The following ADAM22 variants were observed in gnomAD, a reference collection of about 807,000 sequenced individuals.
ADAM22 encodes ADAM metallopeptidase domain 22, also known as disintegrin and metalloproteinase domain-containing protein 22.
In ADAM22, 65 loss-of-function variants were observed where a neutral mutation model predicts 144.6. That is an observed-to-expected ratio of 0.45 (90% CI 0.37 to 0.55). ADAM22 has a LOEUF of 0.55. ADAM22 is among the 20% of genes least tolerant of loss of function. The probability of loss-of-function intolerance (pLI) is 0.00; values close to 1 mark genes in which losing one functional copy is unlikely to be tolerated. For missense variants in ADAM22, 974 were observed against 1,184.9 expected (o/e 0.82, Z 2.61); for synonymous variants, 391 against 412.6 (o/e 0.95, Z 0.63).
chr7:88,202,333 C>CA lies in ADAM22; in HGVS notation c.*5842_*5843insA, dbSNP rs1851259206. The CA allele has an allele frequency of 6.6e-6, 1 of 152,056 alleles. No individual in the cohort carries two copies. Among genetic ancestry groups the CA allele is most frequent in the Non-Finnish European group, 1.5e-5 (1 of 68,038 alleles). The allele number at this position is 152,056 out of a possible 1,614,324, so 9.4% of individuals were successfully genotyped here. A position where few individuals can be genotyped will look rare whatever the true frequency, so the allele number is the denominator to read the frequency against. On this transcript the variant is annotated 3_prime_UTR_variant, in exon 32 of 32. Transcript: ENST00000413139. ...GACTTGCCCCTCCAAACTAGCACCC[C>CA]CAAAAGACAACTTCTTTCAGAAACG...
At chr7:88,030,971 C>T (rs1368897461) in intron 3 of ADAM22, among the ~76,000 whole-genome samples, 3 of 152,024 alleles carry the variant, frequency 2.0e-5, no homozygotes, top group Non-Finnish European at 4.4e-5. Flanking sequence ...AAAAAATTAG[C>T]CGGGCGTGGT....
At chr7:87,985,128 A>G (rs1788147444) in intron 3 of ADAM22, among the ~76,000 whole-genome samples, 1 of 151,454 alleles carries the variant, frequency 6.6e-6, no homozygotes, top group Admixed American at 6.6e-5. Flanking sequence ...CCTGGCTAAC[A>G]TGGTGAAACC....
At chr7:88,121,548 T>C (rs1829313523) in intron 7 of ADAM22, among the ~76,000 whole-genome samples, 1 of 152,202 alleles carries the variant, frequency 6.6e-6, no homozygotes, top group South Asian at 2.1e-4. Context: ...AACTGTCAGC[T>C]GGGACTACAG....
intron 30 of ADAM22, among the ~76,000 whole-genome samples, chr7:88,191,059 C>T (rs1386333297): frequency 6.6e-6 from 1 of 152,230 alleles, no homozygotes; most frequent in East Asian, 1.9e-4. Flanking sequence ...CTTTCCTGCT[C>T]AGCTTCTCTT....
chr7:88,028,688 T>C (rs1192923932), intron 3 of ADAM22, among the ~76,000 whole-genome samples: 1 of 151,992 alleles, frequency 6.6e-6, no homozygotes, highest in Non-Finnish European at 1.5e-5. Flanking sequence ...TATATATATA[T>C]ATACACATAT....
intron 3 of ADAM22, among the ~76,000 whole-genome samples, chr7:88,013,796 A>G (rs1795980337): frequency 6.6e-6 from 1 of 152,232 alleles, no homozygotes; most frequent in Non-Finnish European, 1.5e-5. Context: ...TCATACTCAT[A>G]GGAAAAGTGT....
intron 2 of ADAM22, among the ~76,000 whole-genome samples, chr7:87,976,597 A>G (rs555796987): frequency 9.4e-4 from 143 of 152,332 alleles, no homozygotes; most frequent in Non-Finnish European, 1.5e-3. Flanking sequence ...CTAGACGACT[A>G]TAGGTGGAAC....
intron 3 of ADAM22, among the ~76,000 whole-genome samples, chr7:88,024,618 G>A (rs1488074673): frequency 6.6e-6 from 1 of 151,816 alleles, no homozygotes; most frequent in Non-Finnish European, 1.5e-5. Context: ...TGTTACATAT[G>A]TATACATACG....
At position 87,966,721 on chromosome 7, in the gene ADAM22, G is replaced by GTTTTTTTTTTTTTTTTTT; in HGVS notation, c.247-11601_247-11584dup. Among the ~76,000 whole-genome samples, 18 of 39,888 alleles carry GTTTTTTTTTTTTTTTTTT rather than the reference G, an allele frequency of 4.5e-4. 3 individuals are homozygous for GTTTTTTTTTTTTTTTTTT. Among genetic ancestry groups the GTTTTTTTTTTTTTTTTTT allele is most frequent in the Non-Finnish European group, 6.4e-4 (16 of 25,026 alleles). 26.2% of individuals were successfully genotyped at this position (39,888 alleles called of 152,430 possible). A position where few individuals can be genotyped will look rare whatever the true frequency, so the allele number is the denominator to read the frequency against. On this transcript the variant is annotated intron_variant, in intron 2 of 31. Coordinates refer to ENST00000413139, the MANE Select transcript of ADAM22 (RefSeq NM_001324418.2). ...GAGTTCATCTTATCCAAGGAAAGCC[G>GTTTTTTTTTTTTTTTTTT]TTTTTTTTTTTTTTTTTTTTTTTTT... is the stretch of plus-strand genomic sequence containing the variant.
At chr7:87,945,180 CA>C (rs1487066149) in intron 2 of ADAM22, among the ~76,000 whole-genome samples, 1 of 152,112 alleles carries the variant, frequency 6.6e-6, no homozygotes, top group Non-Finnish European at 1.5e-5. Context: ...TCTAAAAAAT[CA>C]GTTTGTACAA....
chr7:87,985,177 G>T (rs955835086), intron 3 of ADAM22, among the ~76,000 whole-genome samples: 3 of 151,720 alleles, frequency 2.0e-5, no homozygotes, highest in African/African-American at 7.3e-5. Flanking sequence ...TCCAGGCATG[G>T]TGGCAGGCGC....
intron 3 of ADAM22, among the ~76,000 whole-genome samples, chr7:88,039,464 A>AATATATAT (rs1554420479): frequency 4.2e-4 from 32 of 76,342 alleles, no homozygotes; most frequent in African/African-American, 8.5e-4. Flanking sequence ...AAAAAAAAAA[A>AATATATAT]ATATATATAT....
chr7:88,115,296 G>C (rs1489392953), intron 6 of ADAM22, among the ~76,000 whole-genome samples: 2 of 152,108 alleles, frequency 1.3e-5, no homozygotes, highest in African/African-American at 4.8e-5. Context: ...TTCCCTTTGA[G>C]GTGTTCTGAA....
intron 2 of ADAM22, among the ~76,000 whole-genome samples, chr7:87,967,146 C>A (rs1849319848): frequency 6.6e-6 from 1 of 152,132 alleles, no homozygotes; most frequent in Admixed American, 6.5e-5. Flanking sequence ...GGCCTCCCCA[C>A]CCCTGTGAAC....
At chr7:88,018,902 T>A (rs1797123956) in intron 3 of ADAM22, among the ~76,000 whole-genome samples, 1 of 152,220 alleles carries the variant, frequency 6.6e-6, no homozygotes, top group Non-Finnish European at 1.5e-5. Context: ...ACATAAAGCT[T>A]TGGACAAAGG....
intron 3 of ADAM22, among the ~76,000 whole-genome samples, chr7:88,054,629 T>TGTGA (rs1807677651): frequency 6.7e-6 from 1 of 148,326 alleles, no homozygotes; most frequent in Non-Finnish European, 1.5e-5. Context: ...TGTGTGTGTG[T>TGTGA]GTGATTCCTC....
chr7:88,169,686 A>G (rs192511608), intron 25 of ADAM22, among the ~76,000 whole-genome samples: 1 of 152,118 alleles, frequency 6.6e-6, no homozygotes, highest in African/African-American at 2.4e-5. Context: ...GGAGTTATCA[A>G]ATCATATATC....
At chr7:88,040,425 C>G (rs558420708) in intron 3 of ADAM22, among the ~76,000 whole-genome samples, 1 of 152,110 alleles carries the variant, frequency 6.6e-6, no homozygotes, top group South Asian at 2.1e-4. Context: ...AGCCACTGAG[C>G]CTAGCCAACA....
chr7:87,947,720 A>T (rs1184731987), intron 2 of ADAM22, among the ~76,000 whole-genome samples: 1 of 152,138 alleles, frequency 6.6e-6, no homozygotes, highest in East Asian at 1.9e-4. Context: ...GCGGTCTTTG[A>T]TGAGTGTTTT....
Sources: allele counts gnomAD v4.1 joint callset (sites outside exome capture counted in the v4.1 genomes callset), GRCh38; gene constraint gnomAD v4.1.1; transcripts MANE v1.5; gene names NCBI Gene and HGNC (gene_info 2026-07-23, HGNC 2026-07-21).